The following COX7B2 variants were observed in gnomAD, a reference collection of about 807,000 sequenced individuals.
COX7B2 encodes the protein cytochrome c oxidase subunit 7B2, also known as cytochrome c oxidase subunit 7B2, mitochondrial.
For missense variants in COX7B2, 109 were observed against 95.9 expected, an observed-to-expected ratio of 1.14 and a Z score of -0.57; for synonymous variants, 37 against 32.1, an observed-to-expected ratio of 1.15 and a Z score of -0.51.
chr4:46,903,641 AT>A (rs1720202822), intron 1 of COX7B2, among the ~76,000 whole-genome samples: 2 of 152,092 alleles, frequency 1.3e-5, no homozygotes, highest in African/African-American at 4.8e-5. Context: ...CAGGTGTATC[AT>A]TTTTTATCTC....
At chr4:46,841,112 T>C (rs1220794039) in intron 2 of COX7B2, among the ~76,000 whole-genome samples, 1 of 151,886 alleles carries the variant, frequency 6.6e-6, no homozygotes, top group African/African-American at 2.4e-5. Context: ...AACCAGAAGA[T>C]GGTTTTGAGC....
intron 2 of COX7B2, among the ~76,000 whole-genome samples, chr4:46,775,186 G>A (rs73139352): frequency 0.034 from 5,104 of 152,024 alleles, 215 homozygotes; most frequent in African/African-American, 0.1. Context: ...GAAAACAGAA[G>A]TTATTTATAT....
At chr4:46,808,968 G>A (rs757269148) in intron 2 of COX7B2, among the ~76,000 whole-genome samples, 6 of 151,814 alleles carry the variant, frequency 4.0e-5, no homozygotes, top group Admixed American at 1.3e-4. Flanking sequence ...CTGTTCATCA[G>A]AGAAATTGGT....
chr4:46,771,548 A>AT (rs954092917), intron 2 of COX7B2, among the ~76,000 whole-genome samples: 81 of 148,450 alleles, frequency 5.5e-4, no homozygotes, highest in East Asian at 1.6e-3. Flanking sequence ...CAGATTTCAG[A>AT]TTTTTTTTTT....
chr4:46,836,969 T>C lies in COX7B2; in HGVS notation c.-50+7991A>G, dbSNP rs114024676. Among the ~76,000 whole-genome samples, 1,184 of 152,172 alleles carry C rather than the reference T, an allele frequency of 7.8e-3. 18 individuals carry two copies. Among genetic ancestry groups the C allele is most frequent in the African/African-American group, 0.027 (1,141 of 41,556 alleles). ...ACATGAATATATATTGACACTAAAA[T>C]TATGAATTACAAGTAAATATGTGTA... On this transcript the variant is annotated intron_variant, in intron 2 of 2. Coordinates refer to ENST00000355591, the MANE Select transcript of COX7B2 (RefSeq NM_130902.3).
chr4:46,808,359 T>A (rs1287200424), intron 2 of COX7B2, among the ~76,000 whole-genome samples: 1 of 151,846 alleles, frequency 6.6e-6, no homozygotes, highest in Non-Finnish European at 1.5e-5. Context: ...TGCTGCTGAT[T>A]TTTGTATGTC....
intron 1 of COX7B2, among the ~76,000 whole-genome samples, chr4:46,891,585 T>A (rs2109871974): frequency 6.6e-6 from 1 of 152,328 alleles, no homozygotes; most frequent in Non-Finnish European, 1.5e-5. Flanking sequence ...AGAGCCCTGG[T>A]GGAAACACAC....
intron 2 of COX7B2, among the ~76,000 whole-genome samples, chr4:46,805,401 C>G (rs1410252576): frequency 6.6e-6 from 1 of 152,182 alleles, no homozygotes; most frequent in Admixed American, 6.5e-5. Context: ...AGTAATATAC[C>G]ACAAAACTAC....
At chr4:46,877,487 A>T (rs1577687294) in intron 1 of COX7B2, among the ~76,000 whole-genome samples, 1 of 152,142 alleles carries the variant, frequency 6.6e-6, no homozygotes, top group South Asian at 2.1e-4. Context: ...ACAGATATAG[A>T]TCCTGGTATA....
chr4:46,894,217 G>A (rs1327451507), intron 1 of COX7B2, among the ~76,000 whole-genome samples: 4 of 152,038 alleles, frequency 2.6e-5, no homozygotes, highest in East Asian at 3.8e-4. Context: ...GTAATCCTAC[G>A]TGAAAGGAAC....
At position 46,908,053 on chromosome 4, in the gene COX7B2, C is replaced by T. The variant is rs190111679; in HGVS notation, c.-105+1107G>A. On this transcript the variant is annotated intron_variant, in intron 1 of 2. Coordinates refer to ENST00000355591, the MANE Select transcript of COX7B2 (RefSeq NM_130902.3). Reference sequence around the variant, plus strand: ...ATTTTTAGTAGAGATGCGTTTCACCCTGTTGGCCAGGATGGTCTCGATCTC... The same window carrying T: ...ATTTTTAGTAGAGATGCGTTTCACCTTGTTGGCCAGGATGGTCTCGATCTC... 1.8e-3 allele frequency among the ~76,000 whole-genome samples: 275 copies of T among 151,768 alleles called. 1 individual carries two copies. The highest frequency in any genetic ancestry group is 0.016 in the Admixed American group (248 of 15,236).
chr4:46,868,999 G>A (rs923948143), intron 1 of COX7B2, among the ~76,000 whole-genome samples: 1 of 152,104 alleles, frequency 6.6e-6, no homozygotes, highest in African/African-American at 2.4e-5. Context: ...TACTATGTGG[G>A]AGTCTATGTC....
At chr4:46,802,755 G>C (rs1156547905) in intron 2 of COX7B2, among the ~76,000 whole-genome samples, 1 of 152,136 alleles carries the variant, frequency 6.6e-6, no homozygotes, top group Non-Finnish European at 1.5e-5. Context: ...TTTTGTAAGA[G>C]AAGTTGTGCA....
intron 2 of COX7B2, among the ~76,000 whole-genome samples, chr4:46,823,881 C>A (rs1364064285): frequency 1.3e-5 from 2 of 150,494 alleles, no homozygotes; most frequent in Non-Finnish European, 3.0e-5. Flanking sequence ...AGAGAGAAAG[C>A]ACAAATTATT....
chr4:46,792,019 C>T (rs1718075955), intron 2 of COX7B2, among the ~76,000 whole-genome samples: 1 of 152,182 alleles, frequency 6.6e-6, no homozygotes, highest in Non-Finnish European at 1.5e-5. Context: ...AATATTTCAG[C>T]TATCACAAGA....
intron 2 of COX7B2, among the ~76,000 whole-genome samples, chr4:46,755,630 A>C (rs1715743886): frequency 6.6e-6 from 1 of 152,160 alleles, no homozygotes; most frequent in African/African-American, 2.4e-5. Context: ...TCAAGATAAA[A>C]AATAAAGTTA....
rs1479996528 is a variant in COX7B2 at position 46,893,825 on chromosome 4, TA to T, written c.-105+15334del. ...TCACATAAAATAATCAAAGAGTATA[TA>T]GTTTTAAAAAATGTGAGAAAAAGAA... On this transcript the variant is annotated intron_variant, in intron 1 of 2. Transcript: ENST00000355591. 7.9e-5 allele frequency among the ~76,000 whole-genome samples: 12 copies of T among 152,210 alleles called. No homozygotes were observed. The East Asian group carries it at 2.3e-3, about 29-fold the overall frequency.
At chr4:46,867,320 G>A (rs1330173946) in intron 1 of COX7B2, among the ~76,000 whole-genome samples, 1 of 152,092 alleles carries the variant, frequency 6.6e-6, no homozygotes, top group Non-Finnish European at 1.5e-5. Context: ...AATCTCTAAT[G>A]GGAAAAAATA....
chr4:46,841,246 TTGTTCAAAG>T (rs1423745617), intron 2 of COX7B2, among the ~76,000 whole-genome samples: 1 of 151,830 alleles, frequency 6.6e-6, no homozygotes, highest in Non-Finnish European at 1.5e-5. Context: ...ACTATTCCAA[TTGTTCAAAG>T]TATCAGGGCC....
Sources: allele counts gnomAD v4.1 joint callset (sites outside exome capture counted in the v4.1 genomes callset), GRCh38; gene constraint gnomAD v4.1.1; transcripts MANE v1.5; gene names NCBI Gene and HGNC (gene_info 2026-07-23, HGNC 2026-07-21).